Variants in ZNF592 observed in about 807,000 individuals in gnomAD.
ZNF592 encodes the protein spinocerebellar ataxia, autosomal recessive 5.
A neutral mutation model predicts 80.3 loss-of-function variants in ZNF592; 11 were observed. The observed-to-expected ratio is 0.14, with a 90% CI of 0.09 to 0.23. The LOEUF (loss-of-function observed/expected upper bound fraction) is 0.23. Ranked by LOEUF, ZNF592 falls within the 10% of genes least tolerant of loss-of-function variation. The probability of loss-of-function intolerance (pLI) is 1.00; values close to 1 mark genes in which losing one functional copy is unlikely to be tolerated. For missense variants in ZNF592, 1,420 were observed against 1,633.9 expected (o/e 0.87, Z 2.26); for synonymous variants, 646 against 640.3 (o/e 1.01, Z -0.13).
intron 2 of ZNF592, among the ~76,000 whole-genome samples, chr15:84,773,961 T>G (rs1162694494): frequency 6.6e-6 from 1 of 152,242 alleles, no homozygotes; most frequent in Non-Finnish European, 1.5e-5. Context: ...AGAGTGTTCT[T>G]TCTGATAATG....
At chr15:84,762,234 A>G (rs978891469) in intron 1 of ZNF592, among the ~76,000 whole-genome samples, 12 of 152,178 alleles carry the variant, frequency 7.9e-5, no homozygotes, top group African/African-American at 2.9e-4. Context: ...ATTTATAGAT[A>G]ATAAGTAAGA....
chr15:84,792,557 C>G (rs1162558643), intron 5 of ZNF592, among the ~76,000 whole-genome samples: 1 of 151,914 alleles, frequency 6.6e-6, no homozygotes, highest in Admixed American at 6.6e-5. Flanking sequence ...CTCAGGTGAT[C>G]CTCCCATCTC....
At chr15:84,777,763 G>A (rs1444369166) in intron 2 of ZNF592, among the ~76,000 whole-genome samples, 1 of 132,552 alleles carries the variant, frequency 7.5e-6, no homozygotes. Context: ...GCGGTGGCAC[G>A]ATCTCAGCTC....
chr15:84,799,945 A>G lies in ZNF592; in HGVS notation c.3241A>G (p.Lys1081Glu), dbSNP rs769445524. The G allele has an allele frequency of 4.3e-6, 7 of 1,614,082 alleles. No individual in the cohort carries two copies. Among genetic ancestry groups the G allele is most frequent in the African/African-American group, 1.3e-5 (1 of 74,944 alleles). The change falls in exon 10 of 11, where the codon AAA (lysine) becomes GAA (glutamate). Residue 1081 changes from lysine (K) to glutamate (E), a missense_variant. Coordinates refer to ENST00000560079, the MANE Select transcript of ZNF592 (RefSeq NM_014630.3). This position sits in a 1 kb window ranked among gnomAD's most constrained non-coding sequence, Gnocchi z 4.2. Reference sequence around the variant, plus strand: ...AAACCCTGATTTGAGCCAGACGTCCAAAGTGAAACCTCCGGGTGGACATTC... The same window carrying G: ...AAACCCTGATTTGAGCCAGACGTCCGAAGTGAAACCTCCGGGTGGACATTC... ...IRNPDLSQTS[K>E]VKPPGGHSPQ... is the part of the protein sequence containing the mutation.
intron 5 of ZNF592, among the ~76,000 whole-genome samples, chr15:84,796,543 CT>C (rs1962926601): frequency 6.6e-6 from 1 of 151,684 alleles, no homozygotes; most frequent in Admixed American, 6.6e-5. Context: ...GACTAGTAAT[CT>C]TATGGATGCA....
intron 4 of ZNF592, 123 bp downstream of exon 4, chr15:84,785,018 G>C: frequency 8.6e-7 from 1 of 1,157,626 alleles, no homozygotes. Flanking sequence ...TCTTAGAAGA[G>C]GATGTCTGCC....
At chr15:84,766,769 TG>T (rs1899538887) in intron 2 of ZNF592, among the ~76,000 whole-genome samples, 2 of 147,752 alleles carry the variant, frequency 1.4e-5, no homozygotes, top group South Asian at 4.3e-4. Flanking sequence ...ACAGAACACT[TG>T]GGAGAGAAAC....
intron 5 of ZNF592, among the ~76,000 whole-genome samples, chr15:84,795,888 A>G (rs1162783874): frequency 1.3e-5 from 2 of 152,100 alleles, no homozygotes; most frequent in Non-Finnish European, 2.9e-5. Context: ...CCTCCCTTCC[A>G]ATACACACAA....
chr15:84,755,439 T>C (rs972595789), intron 1 of ZNF592, among the ~76,000 whole-genome samples: 2 of 152,120 alleles, frequency 1.3e-5, no homozygotes, highest in Middle Eastern at 3.4e-3. Flanking sequence ...GCTTGAAACT[T>C]TTTTGAGTAG....
chr15:84,791,219 T>G (rs933295460), intron 5 of ZNF592, among the ~76,000 whole-genome samples: 4 of 152,232 alleles, frequency 2.6e-5, no homozygotes, highest in Non-Finnish European at 5.9e-5. Flanking sequence ...AAATGTAAAG[T>G]GCTGTTTCAA....
chr15:84,783,273 T>G lies in ZNF592; in HGVS notation c.598T>G (p.Phe200Val). Residue 200 changes from phenylalanine (F) to valine (V), a missense_variant, in exon 4 of 11, where the codon TTT (phenylalanine) becomes GTT (valine). Coordinates refer to ENST00000560079, the MANE Select transcript of ZNF592 (RefSeq NM_014630.3). The surrounding 1 kb of genome is among the most constrained non-coding windows in gnomAD (Gnocchi z 5.0). ...TCCAGAGCTGCATATGTTTGATCATTTTTGTAAGAAAGAACCCAAGCCAGA... is the reference window on the plus strand; with the variant it reads ...TCCAGAGCTGCATATGTTTGATCATGTTTGTAAGAAAGAACCCAAGCCAGA... ...PVPELHMFDH[F>V]CKKEPKPEPL... 6.2e-7 allele frequency: 1 copy of G among 1,614,170 alleles called. No homozygotes were observed. The highest frequency in any genetic ancestry group is 8.5e-7 in the Non-Finnish European group (1 of 1,180,030).
At chr15:84,780,710 C>G (rs918633969) in intron 3 of ZNF592, among the ~76,000 whole-genome samples, 1 of 152,128 alleles carries the variant, frequency 6.6e-6, no homozygotes, top group South Asian at 2.1e-4. Flanking sequence ...GTTGATCCCA[C>G]GGGGTGGTAA....
chr15:84,767,439 A>C (rs1899562598), intron 2 of ZNF592, among the ~76,000 whole-genome samples: 2 of 152,056 alleles, frequency 1.3e-5, no homozygotes, highest in Admixed American at 1.3e-4. Context: ...GAGATGATGC[A>C]TTTACAAAGT....
At chr15:84,749,393 G>C (rs979647789) in intron 1 of ZNF592, among the ~76,000 whole-genome samples, 1 of 152,188 alleles carries the variant, frequency 6.6e-6, no homozygotes, top group Non-Finnish European at 1.5e-5. Context: ...TTTGTGAGGG[G>C]GAGGGGTCCG....
Position 84,798,832 on chromosome 15 carries a change from A to G in ZNF592, c.2981A>G (p.Asp994Gly), listed in dbSNP as rs748223375. 2 of 1,599,954 alleles carry G rather than the reference A, an allele frequency of 1.3e-6. No individual in the cohort carries two copies. Among genetic ancestry groups the G allele is most frequent in the South Asian group, 2.2e-5 (2 of 90,972 alleles). ...CAGGAGTGCCAGGAGTGGGTTCCAG[A>G]TCGGGAGAGCTACGTGTCCCACATG... Reference protein sequence around the residue: ...TCQECQEWVPDRESYVSHMKK... With the variant: ...TCQECQEWVPGRESYVSHMKK... Residue 994 changes from aspartate (D) to glycine (G), a missense_variant, in exon 8 of 11, where the codon GAT (aspartate) becomes GGT (glycine). By Grantham distance (94) the Asp-to-Gly change is moderately conservative (BLOSUM62 -1). This residue lies in a region of ZNF592 where 331 missense variants were observed against 347.0 expected (regional missense o/e 0.95). Transcript: ENST00000560079. The surrounding 1 kb of genome is among the most constrained non-coding windows in gnomAD (Gnocchi z 4.5).
rs1186308273 is a variant in ZNF592 at position 84,803,663 on chromosome 15, G to T, written c.*1270G>T. On this transcript the variant is annotated 3_prime_UTR_variant, in exon 11 of 11. Coordinates refer to ENST00000560079, the MANE Select transcript of ZNF592 (RefSeq NM_014630.3). ...CCCTTACTGGTAAAAAGGGAAAAGG[G>T]GGTGGAGAAGAGGAATTTTATAATT... 2.6e-5 allele frequency: 4 copies of T among 152,246 alleles called. No individual in the cohort carries two copies. The highest frequency in any genetic ancestry group is 9.6e-5 in the African/African-American group (4 of 41,468). The allele number at this position is 152,246 out of a possible 1,614,324, so 9.4% of individuals were successfully genotyped here.
In ZNF592 at chr15:84,784,703, C is replaced by G; in HGVS notation, c.2028C>G (p.Ala676=). Residue 676 remains alanine (A), a synonymous_variant, in exon 4 of 11, where the codon GCC becomes GCG. Coordinates refer to ENST00000560079, the MANE Select transcript of ZNF592 (RefSeq NM_014630.3). The surrounding 1 kb of genome is among the most constrained non-coding windows in gnomAD (Gnocchi z 5.8). Reference sequence around the variant, plus strand: ...ACTCCACGGCACCAGCAGCCCCAGCCCCTTCATCCTCTCCCAAACATGGCC... The same window carrying G: ...ACTCCACGGCACCAGCAGCCCCAGCGCCTTCATCCTCTCCCAAACATGGCC... ...PVNSTAPAAP[A]PSSSPKHGLT... 1 of 1,614,120 alleles carries G rather than the reference C, an allele frequency of 6.2e-7. No individual in the cohort carries two copies. Among genetic ancestry groups the G allele is most frequent in the Non-Finnish European group, 8.5e-7 (1 of 1,180,028 alleles).
rs1567076383 is a variant in ZNF592, at chr15:84,796,280, TATATATATATATATAAAA to T, written c.2400-1587_2400-1570del. On this transcript the variant is annotated intron_variant, in intron 5 of 10. Coordinates refer to ENST00000560079, the MANE Select transcript of ZNF592 (RefSeq NM_014630.3). ...TATATATATATTTTATATATATATATATATATATATATATAAAAAAACGAAGGGTAACATTCAGGAGTC... is the reference window on the plus strand; with the variant it reads ...TATATATATATTTTATATATATATATAAACGAAGGGTAACATTCAGGAGTC... 3.6e-4 allele frequency among the ~76,000 whole-genome samples: 19 copies of T among 52,706 alleles called. 1 individual carries two copies. Among genetic ancestry groups the T allele is most frequent in the East Asian group, 1.4e-3 (2 of 1,382 alleles). 34.6% of individuals were successfully genotyped at this position (52,706 alleles called of 152,430 possible).
chr15:84,795,586 C>A (rs1962871595), intron 5 of ZNF592, among the ~76,000 whole-genome samples: 1 of 152,230 alleles, frequency 6.6e-6, no homozygotes, highest in African/African-American at 2.4e-5. Flanking sequence ...TTAAGAGATT[C>A]TTTACACATA....
Sources: gnomAD v4.1 joint callset for allele counts (sites outside exome capture counted in the v4.1 genomes callset) on GRCh38, gnomAD v4.1.1 for gene constraint, gnomAD v4.1.1 regional missense constraint, Gnocchi (gnomAD v3.1) non-coding constraint, MANE v1.5 for transcripts, NCBI Gene and HGNC (gene_info 2026-07-23, HGNC 2026-07-21) for gene names.